Variants in TSNARE1 observed in about 807,000 individuals in gnomAD.
The protein encoded by TSNARE1 is t-SNARE domain containing 1, also known as t-SNARE domain-containing protein 1.
Under a neutral mutation model 62.0 loss-of-function variants are expected in TSNARE1, and 49 were observed. The observed-to-expected ratio is 0.79, with a 90% confidence interval of 0.63 to 1.00. The LOEUF (loss-of-function observed/expected upper bound fraction) is 1.00. Among genes scored for constraint, TSNARE1 ranks in the 50% least tolerant of loss-of-function variants. The pLI is 0.00. For synonymous variants in TSNARE1, 328 were observed against 294.4 expected, an observed-to-expected ratio of 1.11 and a Z score of -1.17; for missense variants, 755 against 700.1, an observed-to-expected ratio of 1.08 and a Z score of -0.88.
chr8:142,382,959 GC>G (rs1282507249), intron 1 of TSNARE1, among the ~76,000 whole-genome samples: 1 of 152,132 alleles, frequency 6.6e-6, no homozygotes, highest in African/African-American at 2.4e-5. Context: ...TGGAAGCACA[GC>G]CCCAGCCGAG....
chr8:142,375,127 A>G (rs11985182), intron 1 of TSNARE1, among the ~76,000 whole-genome samples: 73,021 of 152,122 alleles, frequency 0.48, 20,603 homozygotes, highest in African/African-American at 0.78. Context: ...GTCACAGTAC[A>G]CTCCAAGCCT....
rs1822383144 is a variant in TSNARE1 at position 142,284,689 on chromosome 8, AG to A, written c.1291-205del. Among the ~76,000 whole-genome samples, 3 of 152,168 alleles carry A rather than the reference AG, an allele frequency of 2.0e-5. No individual in the cohort carries two copies. In the South Asian group the frequency reaches 6.2e-4, roughly 31 times the overall value. On this transcript the variant is annotated intron_variant, in intron 10 of 13. Coordinates refer to ENST00000524325, the MANE Select transcript of TSNARE1 (RefSeq NM_145003.5). ...TCCAGAAAGGGCCAGGGGTGAGCCC[AG>A]GGTCACCCCAAAAGTCAGAGACAGG...
intron 4 of TSNARE1, among the ~76,000 whole-genome samples, 187 bp downstream of exon 4, chr8:142,343,779 A>AGGAGGAGGG (rs1832927735): frequency 6.1e-5 from 3 of 49,260 alleles, no homozygotes; most frequent in African/African-American, 5.2e-4. Context: ...GAAGAGGAGG[A>AGGAGGAGGG]GGAGGAGGAG....
chr8:142,285,503 G>T (rs1372207809), intron 10 of TSNARE1, among the ~76,000 whole-genome samples: 1 of 150,940 alleles, frequency 6.6e-6, no homozygotes, highest in Non-Finnish European at 1.5e-5. Context: ...ATAGGTGGGT[G>T]GGTGGGTAGA....
chr8:142,280,253 C>T (rs1439503061), intron 11 of TSNARE1: 3 of 985,242 alleles, frequency 3.0e-6, no homozygotes, highest in Non-Finnish European at 3.6e-6. Context: ...GGCCCGGCAC[C>T]CAGCAGCAGG....
At chr8:142,381,784 G>A (rs1414093813) in intron 1 of TSNARE1, among the ~76,000 whole-genome samples, 1 of 152,150 alleles carries the variant, frequency 6.6e-6, no homozygotes, top group Non-Finnish European at 1.5e-5. Context: ...TCACCTCCCC[G>A]CAGCTCGGCG....
chr8:142,401,751 G>A lies in TSNARE1; in HGVS notation c.-40+1353C>T, dbSNP rs117419068. On this transcript the variant is annotated intron_variant, in intron 1 of 13. Coordinates refer to ENST00000524325, the MANE Select transcript of TSNARE1 (RefSeq NM_145003.5). ...AAAACTCAACCTCCTCCAGGAAGTCGTCTTGGATTTGCCAGCCTCCCACAG... is the reference window on the plus strand; with the variant it reads ...AAAACTCAACCTCCTCCAGGAAGTCATCTTGGATTTGCCAGCCTCCCACAG... 7.0e-3 allele frequency among the ~76,000 whole-genome samples: 1,065 copies of A among 152,276 alleles called. 8 individuals are homozygous for A. The highest frequency in any genetic ancestry group is 0.021 in the Admixed American group (314 of 15,302).
intron 12 of TSNARE1, among the ~76,000 whole-genome samples, chr8:142,255,686 T>C (rs62650728): frequency 1.8e-3 from 37 of 20,182 alleles, no homozygotes; most frequent in Non-Finnish European, 3.1e-3. Flanking sequence ...ACCACCACCA[T>C]CACCATCACC....
At chr8:142,350,655 G>A (rs1039411008) in intron 2 of TSNARE1, among the ~76,000 whole-genome samples, 7 of 152,272 alleles carry the variant, frequency 4.6e-5, no homozygotes, top group Non-Finnish European at 8.8e-5. Context: ...GAAAAGGAGC[G>A]AAAACACTGT....
At chr8:142,271,863 C>T (rs1819601983) in intron 12 of TSNARE1, among the ~76,000 whole-genome samples, 1 of 152,010 alleles carries the variant, frequency 6.6e-6, no homozygotes, top group South Asian at 2.1e-4. Context: ...GATGAGGAAA[C>T]AGACCCAGAG....
intron 1 of TSNARE1, chr8:142,366,053 C>A (rs1455150615): frequency 1.8e-5 from 6 of 330,268 alleles, no homozygotes; most frequent in Non-Finnish European, 3.6e-5. Flanking sequence ...GCTTTTTTTT[C>A]TTTTTTTTTT....
intron 12 of TSNARE1, among the ~76,000 whole-genome samples, chr8:142,254,077 T>C (rs1818310891): frequency 6.6e-6 from 1 of 152,354 alleles, no homozygotes; most frequent in East Asian, 1.9e-4. Flanking sequence ...GCTCTGTGCC[T>C]CCCTTCCACC....
intron 13 of TSNARE1, among the ~76,000 whole-genome samples, chr8:142,226,360 AGGCGGG>A (rs1171082413): frequency 1.3e-5 from 2 of 152,168 alleles, no homozygotes; most frequent in Non-Finnish European, 2.9e-5. Flanking sequence ...CACTGGCAGC[AGGCGGG>A]GGTCCTCTCT....
Position 142,274,535 on chromosome 8 carries a change from G to A in TSNARE1, c.1446+246C>T, listed in dbSNP as rs369884609. 5.6e-5 allele frequency: 55 copies of A among 985,332 alleles called. 1 individual carries two copies. The Admixed American group carries it at 6.8e-4, about 12-fold the overall frequency. 61.0% of individuals were successfully genotyped at this position (985,332 alleles called of 1,614,324 possible). A position where few individuals can be genotyped will look rare whatever the true frequency, so the allele number is the denominator to read the frequency against. On this transcript the variant is annotated intron_variant, in intron 12 of 13. Transcript: ENST00000524325. ...CCCCGGATCCATGGGAGAGGGCGGC[G>A]TGGTGCATACAAGAGAGGAGACGGT...
chr8:142,334,494 C>A (rs953703588), intron 4 of TSNARE1, among the ~76,000 whole-genome samples: 4 of 149,988 alleles, frequency 2.7e-5, no homozygotes, highest in Non-Finnish European at 5.9e-5. Flanking sequence ...GGTGGGGGGG[C>A]AGCAGGGGGG....
chr8:142,346,423 C>A (rs1056799179), intron 2 of TSNARE1, among the ~76,000 whole-genome samples: 6 of 152,274 alleles, frequency 3.9e-5, no homozygotes, highest in African/African-American at 1.4e-4. Flanking sequence ...AGCCCCCGCA[C>A]GGAACGCATC....
At chr8:142,222,832 T>TCATC (rs1816462051) in intron 13 of TSNARE1, among the ~76,000 whole-genome samples, 1 of 112,466 alleles carries the variant, frequency 8.9e-6, no homozygotes. Context: ...ACTCACTCAT[T>TCATC]CACTCACTCA....
chr8:142,244,307 A>T (rs1817790298), intron 12 of TSNARE1, among the ~76,000 whole-genome samples: 5 of 152,236 alleles, frequency 3.3e-5, no homozygotes, highest in Admixed American at 1.3e-4. Context: ...ATTTACAAAG[A>T]TCACACACAT....
intron 1 of TSNARE1, among the ~76,000 whole-genome samples, chr8:142,385,219 A>G (rs1354984700): frequency 6.6e-6 from 1 of 152,154 alleles, no homozygotes; most frequent in African/African-American, 2.4e-5. Context: ...CAATACAGTG[A>G]CACCTCCAAG....
Sources: allele counts gnomAD v4.1 joint callset (sites outside exome capture counted in the v4.1 genomes callset), GRCh38; gene constraint gnomAD v4.1.1; transcripts MANE v1.5; gene names NCBI Gene and HGNC (gene_info 2026-07-23, HGNC 2026-07-21).